The following CHRM3 variants were observed in gnomAD, a reference collection of about 807,000 sequenced individuals.
CHRM3 encodes the protein muscarinic acetylcholine receptor M3.
A neutral mutation model predicts 41.8 loss-of-function variants in CHRM3; 11 were observed. That is an observed-to-expected ratio of 0.26 (90% CI 0.17 to 0.44). The LOEUF (loss-of-function observed/expected upper bound fraction) is 0.44. Among genes scored for constraint, CHRM3 ranks in the 20% least tolerant of loss-of-function variants. The pLI is 1.00. For synonymous variants in CHRM3, 297 were observed against 301.4 expected (o/e 0.99, Z 0.15); for missense variants, 571 against 745.4 (o/e 0.77, Z 2.72).
intron 6 of CHRM3, among the ~76,000 whole-genome samples, chr1:239,863,366 G>A (rs1675801534): frequency 6.6e-6 from 1 of 152,176 alleles, no homozygotes; most frequent in Non-Finnish European, 1.5e-5. Flanking sequence ...AGGGTGCCCT[G>A]AATAGCCAGG....
chr1:239,597,654 C>T (rs926606224), intron 3 of CHRM3, among the ~76,000 whole-genome samples: 1 of 151,860 alleles, frequency 6.6e-6, no homozygotes, highest in Non-Finnish European at 1.5e-5. Flanking sequence ...TGATAAAAAA[C>T]TAAATAAAAA....
chr1:239,854,733 A>G (rs1674968045), intron 6 of CHRM3, among the ~76,000 whole-genome samples: 1 of 152,126 alleles, frequency 6.6e-6, no homozygotes, highest in Non-Finnish European at 1.5e-5. Context: ...TTCATTCTAA[A>G]TTGCTATGGC....
At chr1:239,627,734 A>G (rs1440956980) in intron 3 of CHRM3, among the ~76,000 whole-genome samples, 3 of 137,892 alleles carry the variant, frequency 2.2e-5, no homozygotes, top group Non-Finnish European at 4.7e-5. Flanking sequence ...CTTGTCTATA[A>G]AGTATTTTAT....
intron 3 of CHRM3, among the ~76,000 whole-genome samples, chr1:239,629,858 A>G (rs1187856304): frequency 2.0e-5 from 3 of 152,182 alleles, no homozygotes; most frequent in African/African-American, 7.2e-5. Context: ...GGCTAACTAT[A>G]TAATTAGGAC....
At chr1:239,446,230 T>C (rs559125038) in intron 1 of CHRM3, among the ~76,000 whole-genome samples, 27 of 152,284 alleles carry the variant, frequency 1.8e-4, no homozygotes, top group East Asian at 3.9e-4. Context: ...CCACCATGCC[T>C]GGCCAGTGTG....
At chr1:239,555,475 A>G (rs1387286118) in intron 3 of CHRM3, among the ~76,000 whole-genome samples, 3 of 152,168 alleles carry the variant, frequency 2.0e-5, no homozygotes, top group Admixed American at 2.0e-4. Context: ...CTCAGACACC[A>G]GAACAATGAG....
At chr1:239,877,904 T>C (rs1275491255) in intron 6 of CHRM3, among the ~76,000 whole-genome samples, 2 of 151,320 alleles carry the variant, frequency 1.3e-5, no homozygotes, top group South Asian at 2.1e-4. Context: ...TTTTTTTTTT[T>C]TAATGAGACA....
Position 239,750,491 on chromosome 1 carries a change from C to T in CHRM3, c.-147+72203C>T, listed in dbSNP as rs1156667436. 2.0e-5 allele frequency among the ~76,000 whole-genome samples: 3 copies of T among 152,308 alleles called. No homozygotes were observed. The East Asian group carries it at 5.8e-4, about 29-fold the overall frequency. ...TTTTCATCTGAGGACTTGTTCTTCT[C>T]ACCAATGTTAAGTTTAGCCTAAAGC... On this transcript the variant is annotated intron_variant, in intron 5 of 6. Coordinates refer to ENST00000676153, the MANE Select transcript of CHRM3 (RefSeq NM_001375978.1).
intron 3 of CHRM3, among the ~76,000 whole-genome samples, chr1:239,572,332 T>C (rs2148541609): frequency 6.6e-6 from 1 of 152,344 alleles, no homozygotes; most frequent in Middle Eastern, 3.4e-3. Context: ...AGTCCTCTTC[T>C]TCCAGACACT....
intron 6 of CHRM3, among the ~76,000 whole-genome samples, chr1:239,866,325 T>TGAGATCGGAGCTTGCAGTGAGCC (rs1676100676): frequency 2.0e-5 from 3 of 151,598 alleles, no homozygotes; most frequent in African/African-American, 7.3e-5. Flanking sequence ...TGCAGTGAGC[T>TGAGATCGGAGCTTGCAGTGAGCC]GAGATCGGAG....
rs938719837 is a variant in CHRM3 at position 239,914,117 on chromosome 1, G to A, written c.*4893G>A. On this transcript the variant is annotated 3_prime_UTR_variant, in exon 7 of 7. Coordinates refer to ENST00000676153, the MANE Select transcript of CHRM3 (RefSeq NM_001375978.1). ...TTATAATCCGGCAACCCTAGCTTCA[G>A]CTAAAAAGATTATCCCCAGAATCTA... 61 of 167,214 alleles carry A rather than the reference G, an allele frequency of 3.6e-4. No homozygotes were observed. The highest frequency in any genetic ancestry group is 1.4e-3 in the African/African-American group (57 of 41,580). The allele number at this position is 167,214 out of a possible 1,614,324, so 10.4% of individuals were successfully genotyped here. A position where few individuals can be genotyped will look rare whatever the true frequency, so the allele number is the denominator to read the frequency against.
chr1:239,420,036 C>T (rs771948532), intron 1 of CHRM3, among the ~76,000 whole-genome samples: 1 of 152,172 alleles, frequency 6.6e-6, no homozygotes, highest in African/African-American at 2.4e-5. Flanking sequence ...GCCCGCATAA[C>T]GATGGTTTAA....
intron 5 of CHRM3, chr1:239,705,843 C>G (rs1558471558): frequency 6.6e-6 from 1 of 151,824 alleles, no homozygotes; most frequent in Non-Finnish European, 1.5e-5. Flanking sequence ...CAATGGAGCT[C>G]CATGGCCAGT....
intron 1 of CHRM3, among the ~76,000 whole-genome samples, chr1:239,435,267 T>A (rs1489945683): frequency 1.3e-5 from 2 of 151,776 alleles, no homozygotes; most frequent in Non-Finnish European, 2.9e-5. Flanking sequence ...CTGGCCAATA[T>A]CATGAAACCC....
intron 6 of CHRM3, among the ~76,000 whole-genome samples, chr1:239,853,619 T>C (rs983450252): frequency 2.0e-5 from 3 of 152,104 alleles, no homozygotes; most frequent in Non-Finnish European, 1.5e-5. Context: ...TTACCTCTTC[T>C]GTTTATTTGT....
intron 5 of CHRM3, among the ~76,000 whole-genome samples, chr1:239,731,809 A>G (rs1482358558): frequency 6.6e-6 from 1 of 152,016 alleles, no homozygotes; most frequent in East Asian, 1.9e-4. Flanking sequence ...AACAGAAAAA[A>G]TCTTTACTGT....
chr1:239,538,044 A>G (rs926347842), intron 2 of CHRM3, among the ~76,000 whole-genome samples: 3 of 152,346 alleles, frequency 2.0e-5, no homozygotes, highest in African/African-American at 7.2e-5. Context: ...ATATTGCTCC[A>G]GCTGAAAAGG....
chr1:239,864,495 G>C (rs887986206), intron 6 of CHRM3, among the ~76,000 whole-genome samples: 1 of 151,396 alleles, frequency 6.6e-6, no homozygotes, highest in Non-Finnish European at 1.5e-5. Flanking sequence ...CAACAAGAGC[G>C]AAACTCCGTC....
intron 4 of CHRM3, among the ~76,000 whole-genome samples, chr1:239,651,538 G>T (rs1227186733): frequency 6.6e-6 from 1 of 152,154 alleles, no homozygotes; most frequent in Non-Finnish European, 1.5e-5. Flanking sequence ...CAGTGTGCAG[G>T]TTCCTCTGTC....
Sources: gnomAD v4.1 joint callset for allele counts (sites outside exome capture counted in the v4.1 genomes callset) on GRCh38, gnomAD v4.1.1 for gene constraint, MANE v1.5 for transcripts, NCBI Gene and HGNC (gene_info 2026-07-23, HGNC 2026-07-21) for gene names.